The following FKBP15 variants were observed in gnomAD, a reference collection of about 807,000 sequenced individuals.
The protein encoded by FKBP15 is FKBP prolyl isomerase family member 15.
In FKBP15, 106 loss-of-function variants were observed where a neutral mutation model predicts 158.1. The ratio of observed to expected loss-of-function variants is 0.67; its 90% CI spans 0.57 to 0.79. The LOEUF is 0.79. Among genes scored for constraint, FKBP15 ranks in the 30% least tolerant of loss-of-function variants. The pLI is 0.00. For synonymous variants in FKBP15, 547 were observed against 548.6 expected, an observed-to-expected ratio of 1.00 and a Z score of 0.04; for missense variants, 1,287 against 1,479.1, an observed-to-expected ratio of 0.87 and a Z score of 2.13.
rs776217331 is a variant in FKBP15 at position 113,198,748 on chromosome 9, G to A, written c.717+107C>T. 16 of 837,672 alleles carry A rather than the reference G, an allele frequency of 1.9e-5. No individual in the cohort carries two copies. Among genetic ancestry groups the A allele is most frequent in the South Asian group, 1.1e-4 (6 of 54,916 alleles). The allele number at this position is 837,672 out of a possible 1,614,324, so 51.9% of individuals were successfully genotyped here. A position where few individuals can be genotyped will look rare whatever the true frequency, so the allele number is the denominator to read the frequency against. Reference sequence around the variant, plus strand: ...GCTTGAACAACAAGAGCGAAACTCCGTCTCAAAAAATAAAAATAAAATAAA... The same window carrying A: ...GCTTGAACAACAAGAGCGAAACTCCATCTCAAAAAATAAAAATAAAATAAA... On this transcript the variant is annotated intron_variant, in intron 8 of 27. Coordinates refer to ENST00000238256, the MANE Select transcript of FKBP15 (RefSeq NM_015258.2). The surrounding 1 kb of genome is among the most constrained non-coding windows in gnomAD (Gnocchi z 5.2).
intron 6 of FKBP15, among the ~76,000 whole-genome samples, chr9:113,201,437 G>A (rs1173790400): frequency 6.6e-6 from 1 of 152,144 alleles, no homozygotes; most frequent in African/African-American, 2.4e-5. Flanking sequence ...AAATGTTATG[G>A]GCTGAATGTT....
At chr9:113,206,609 A>G in intron 3 of FKBP15, 31 bp from the exon 4 acceptor site, 1 of 1,550,916 alleles carries the variant, frequency 6.4e-7, no homozygotes, top group Non-Finnish European at 8.9e-7. Flanking sequence ...ACAAGTATTA[A>G]TACTTCCCTA....
Position 113,165,900 on chromosome 9 carries a change from CCAGGTCTGG to C in FKBP15, c.*169_*177del. The C allele has an allele frequency of 1.8e-6, 1 of 558,386 alleles. No homozygotes were observed. Among genetic ancestry groups the C allele is most frequent in the Non-Finnish European group, 3.2e-6 (1 of 311,248 alleles). 34.6% of individuals were successfully genotyped at this position (558,386 alleles called of 1,614,324 possible). On this transcript the variant is annotated 3_prime_UTR_variant, in exon 28 of 28. Transcript: ENST00000238256. ...GAAGACAGGGTTATGATCCTCTTCACCAGGTCTGGCGGGGGTGGGGCTCAGAAGGTGGCC... is the reference window on the plus strand; with the variant it reads ...GAAGACAGGGTTATGATCCTCTTCACCGGGGGTGGGGCTCAGAAGGTGGCC...
At chr9:113,205,368 C>T (rs938776384) in intron 4 of FKBP15, among the ~76,000 whole-genome samples, 3 of 152,166 alleles carry the variant, frequency 2.0e-5, no homozygotes, top group African/African-American at 7.2e-5. Context: ...CTTGAGTAGA[C>T]ATCTCTCCAC....
At chr9:113,211,003 A>T (rs1326934575) in intron 2 of FKBP15, among the ~76,000 whole-genome samples, 2 of 152,162 alleles carry the variant, frequency 1.3e-5, no homozygotes, top group South Asian at 4.1e-4. Context: ...GGACTGATCC[A>T]CTACTGGCTT....
At chr9:113,210,856 G>A (rs1191383306) in intron 2 of FKBP15, among the ~76,000 whole-genome samples, 1 of 152,212 alleles carries the variant, frequency 6.6e-6, no homozygotes, top group Non-Finnish European at 1.5e-5. Context: ...GCTTTCTGCC[G>A]TCGAACATCA....
At chr9:113,211,995 C>T (rs12555702) in intron 1 of FKBP15, among the ~76,000 whole-genome samples, 5,224 of 152,178 alleles carry the variant, frequency 0.034, 165 homozygotes, top group Admixed American at 0.1. Context: ...GTCACCCTTA[C>T]TGACTACTCC....
At chr9:113,171,832 T>C (rs1290388578) in intron 23 of FKBP15, 126 bp from the exon 24 acceptor site, 1 of 782,516 alleles carries the variant, frequency 1.3e-6, no homozygotes, top group Non-Finnish European at 1.8e-6. Flanking sequence ...AAAAAGACAA[T>C]TTTATTTCAA....
chr9:113,168,334 A>C, intron 27 of FKBP15, 126 bp downstream of exon 27: 4 of 743,422 alleles, frequency 5.4e-6, no homozygotes, highest in East Asian at 2.8e-5. Flanking sequence ...GCCTGCTCCC[A>C]CAGGGCCCTG....
chr9:113,215,719 G>A (rs1189043328), intron 1 of FKBP15, among the ~76,000 whole-genome samples: 1 of 137,940 alleles, frequency 7.2e-6, no homozygotes, highest in Non-Finnish European at 1.5e-5. Context: ...GCCCAATCTC[G>A]GCTCACTACA....
rs1318610123 is a variant in FKBP15 at position 113,183,830 on chromosome 9, T to C, written c.1732A>G (p.Lys578Glu). Residue 578 changes from lysine (K) to glutamate (E), a missense_variant, in exon 18 of 28, where the codon AAG becomes GAG. By Grantham distance (56) the Lys-to-Glu change is moderately conservative (BLOSUM62 1). Coordinates refer to ENST00000238256, the MANE Select transcript of FKBP15 (RefSeq NM_015258.2). ...TTGCTCTTTTCAAGGATCTCTTGCT[T>C]CAATCTTTCATTTTCCTAATTTCAA... is the stretch of plus-strand genomic sequence containing the variant. Reference protein sequence around the residue: ...QRIIQENERLKQEILEKSNRI... With the variant: ...QRIIQENERLEQEILEKSNRI... 1.9e-6 allele frequency: 3 copies of C among 1,612,610 alleles called. No individual in the cohort carries two copies. Among genetic ancestry groups the C allele is most frequent in the Non-Finnish European group, 2.5e-6 (3 of 1,178,922 alleles).
At position 113,211,485 on chromosome 9, in the gene FKBP15, G is replaced by A. The variant is rs746347565; in HGVS notation, c.161C>T (p.Ala54Val). The A allele has an allele frequency of 6.2e-7, 1 of 1,606,424 alleles. No individual in the cohort carries two copies. The highest frequency in any genetic ancestry group is 8.5e-7 in the Non-Finnish European group (1 of 1,176,490). The change falls in exon 2 of 28, where the codon GCA (alanine) becomes GTA (valine). Residue 54 changes from alanine (A) to valine (V), a missense_variant. By Grantham distance (64) the Ala-to-Val change is moderately conservative. Coordinates refer to ENST00000238256, the MANE Select transcript of FKBP15 (RefSeq NM_015258.2). ...ATACACTCTTAACTTACCTGTTGCTGCCGTTCCCTGGCCTTTCTTAGGCTG... is the reference window on the plus strand; with the variant it reads ...ATACACTCTTAACTTACCTGTTGCTACCGTTCCCTGGCCTTTCTTAGGCTG... ...PKQPKKGQGT[A>V]ATGNQATPKT...
intron 23 of FKBP15, among the ~76,000 whole-genome samples, chr9:113,172,568 C>T (rs1193457744): frequency 6.6e-6 from 1 of 152,158 alleles, no homozygotes; most frequent in East Asian, 1.9e-4. Context: ...TCAGCCCCCA[C>T]CCACGACCCT....
At position 113,188,382 on chromosome 9, in the gene FKBP15, TC is replaced by T. The variant is rs1201153118; in HGVS notation, c.1276+6del. The T allele has an allele frequency of 6.2e-7, 1 of 1,607,802 alleles. No homozygotes were observed. The highest frequency in any genetic ancestry group is 2.2e-5 in the East Asian group (1 of 44,874). ...CAAGGCCACAGAGCCTCAGAGAGGT[TC>T]CTTACCCTGTGAGGTCATCTGTGGT... On this transcript the variant is annotated splice_donor_region_variant and intron_variant, in intron 13 of 27. Coordinates refer to ENST00000238256, the MANE Select transcript of FKBP15 (RefSeq NM_015258.2).
chr9:113,184,816 CAAGCCA>C lies in FKBP15; in HGVS notation c.1499-18_1499-13del. The C allele has an allele frequency of 6.3e-7, 1 of 1,576,450 alleles. No homozygotes were observed. The highest frequency in any genetic ancestry group is 8.6e-7 in the Non-Finnish European group (1 of 1,159,262). Reference sequence around the variant, plus strand: ...CATATCACCTGATCCTAAACAGATACAAGCCAAAAAGAAACTTATGAAACTGGAGCA... The same window carrying C: ...CATATCACCTGATCCTAAACAGATACAAAAGAAACTTATGAAACTGGAGCA... On this transcript the variant is annotated splice_polypyrimidine_tract_variant and intron_variant, in intron 15 of 27. Coordinates refer to ENST00000238256, the MANE Select transcript of FKBP15 (RefSeq NM_015258.2). The surrounding 1 kb of genome is among the most constrained non-coding windows in gnomAD (Gnocchi z 4.5).
At chr9:113,199,689 A>G (rs1830749407) in intron 7 of FKBP15, 125 bp downstream of exon 7, 1 of 1,019,814 alleles carries the variant, frequency 9.8e-7, no homozygotes, top group Middle Eastern at 2.7e-4. Flanking sequence ...TGCAGTGTCT[A>G]AAGTGGGGAT....
At chr9:113,182,682 A>G (rs1389837874) in intron 19 of FKBP15, 84 bp downstream of exon 19, 26 of 1,070,418 alleles carry the variant, frequency 2.4e-5, no homozygotes, top group Non-Finnish European at 3.2e-5. Context: ...TTCTGTTGGA[A>G]AGCCGACTGG....
intron 1 of FKBP15, among the ~76,000 whole-genome samples, chr9:113,219,573 GCA>G (rs1831208452): frequency 6.6e-6 from 1 of 152,114 alleles, no homozygotes; most frequent in African/African-American, 2.4e-5. Context: ...ATGTCTAGGA[GCA>G]CAGTCACATG....
At chr9:113,201,132 A>G (rs1243973760) in intron 6 of FKBP15, among the ~76,000 whole-genome samples, 1 of 151,712 alleles carries the variant, frequency 6.6e-6, no homozygotes, top group East Asian at 1.9e-4. Context: ...GAAGAAGACC[A>G]AAAGAAAAAA....
Sources: gnomAD v4.1 joint callset for allele counts (sites outside exome capture counted in the v4.1 genomes callset) on GRCh38, gnomAD v4.1.1 for gene constraint, Gnocchi (gnomAD v3.1) non-coding constraint, MANE v1.5 for transcripts, NCBI Gene and HGNC (gene_info 2026-07-23, HGNC 2026-07-21) for gene names.